Variants in CISD2 observed in about 807,000 individuals in gnomAD.
The protein encoded by CISD2 is CDGSH iron-sulfur domain-containing protein 2.
Under a neutral mutation model 12.9 loss-of-function variants are expected in CISD2, and 1 was observed. That is an observed-to-expected ratio of 0.08 (90% confidence interval 0.03 to 0.37). The LOEUF (loss-of-function observed/expected upper bound fraction) is 0.37, where lower values mean the gene tolerates loss of function less well. Among genes scored for constraint, CISD2 ranks in the 10% least tolerant of loss-of-function variants. The pLI is 0.99. For synonymous variants in CISD2, 50 were observed against 60.6 expected, an observed-to-expected ratio of 0.83 and a Z score of 0.81; for missense variants, 97 against 163.1, an observed-to-expected ratio of 0.59 and a Z score of 2.21.
At chr4:102,880,661 G>A (rs2110396646) in intron 1 of CISD2, among the ~76,000 whole-genome samples, 2 of 151,858 alleles carry the variant, frequency 1.3e-5, no homozygotes, top group South Asian at 2.1e-4. Context: ...CTGGGTGACA[G>A]AGTGAGACTA....
At chr4:102,875,132 T>G (rs1037196413) in intron 1 of CISD2, among the ~76,000 whole-genome samples, 1 of 152,242 alleles carries the variant, frequency 6.6e-6, no homozygotes, top group African/African-American at 2.4e-5. Flanking sequence ...GTGCTTAGTT[T>G]CCCAGACACT....
At chr4:102,869,278 G>A in intron 1 of CISD2, 91 bp downstream of exon 1, 1 of 1,495,648 alleles carries the variant, frequency 6.7e-7, no homozygotes, top group Non-Finnish European at 9.1e-7. Flanking sequence ...GGGGCGGGAC[G>A]GAGCTCGGCG....
At chr4:102,883,057 C>A (rs1234094451) in intron 1 of CISD2, among the ~76,000 whole-genome samples, 1 of 152,078 alleles carries the variant, frequency 6.6e-6, no homozygotes, top group Non-Finnish European at 1.5e-5. Context: ...TGTATATTAA[C>A]CGTGTTTTCA....
At chr4:102,869,509 C>G (rs1733368062) in intron 1 of CISD2, 2 of 702,452 alleles carry the variant, frequency 2.8e-6, no homozygotes, top group Non-Finnish European at 5.2e-6. Flanking sequence ...GCTCATCGCT[C>G]TCTGTAGCGT....
At chr4:102,869,336 G>A (rs1275102703) in intron 1 of CISD2, 149 bp downstream of exon 1, 4 of 1,063,358 alleles carry the variant, frequency 3.8e-6, no homozygotes, top group Admixed American at 4.0e-5. Context: ...GCGCGCCGAC[G>A]CAGCTGCCTG....
chr4:102,872,821 A>ACT (rs1733492224), intron 1 of CISD2, among the ~76,000 whole-genome samples: 1 of 152,218 alleles, frequency 6.6e-6, no homozygotes, highest in Admixed American at 6.5e-5. Flanking sequence ...CAATGTCTAA[A>ACT]CTTTCAGAAA....
chr4:102,890,806 C>CAATAAGTAAGCTACTTATTCT lies in CISD2; in HGVS notation c.*3376_*3377insAATAAGTAAGCTACTTATTCT, dbSNP rs1327456037. The CAATAAGTAAGCTACTTATTCT allele has an allele frequency of 2.1e-4, 27 of 128,380 alleles. No individual in the cohort carries two copies. The highest frequency in any genetic ancestry group is 8.1e-4 in the African/African-American group (25 of 30,698). The allele number at this position is 128,380 out of a possible 1,614,324, so 8.0% of individuals were successfully genotyped here. A position where few individuals can be genotyped will look rare whatever the true frequency, so the allele number is the denominator to read the frequency against. ...AGTGAGCCAAGATTGTGCCACTGCACTCCAGCCTGGGCAACAGAAGTGAAA... is the reference window on the plus strand; with the variant it reads ...AGTGAGCCAAGATTGTGCCACTGCACAATAAGTAAGCTACTTATTCTTCCAGCCTGGGCAACAGAAGTGAAA... On this transcript the variant is annotated 3_prime_UTR_variant, in exon 3 of 3. Transcript: ENST00000273986.
chr4:102,869,112 G>C lies in CISD2; in HGVS notation c.28G>C (p.Val10Leu). 2 of 1,612,650 alleles carry C rather than the reference G, an allele frequency of 1.2e-6. No homozygotes were observed. The highest frequency in any genetic ancestry group is 1.7e-6 in the Non-Finnish European group (2 of 1,179,448). Residue 10 changes from valine to leucine, a missense_variant, in exon 1 of 3, where the codon GTG becomes CTG. Val to Leu is a conservative substitution (Grantham distance 32, BLOSUM62 1). Coordinates refer to ENST00000273986, the MANE Select transcript of CISD2 (RefSeq NM_001008388.5). MVLESVARI[V>L]KVQLPAYLKR... ...GGTGCTGGAGAGCGTGGCCCGTATCGTGAAGGTGCAGCTCCCTGCATATCT... is the reference window on the plus strand; with the variant it reads ...GGTGCTGGAGAGCGTGGCCCGTATCCTGAAGGTGCAGCTCCCTGCATATCT...
At chr4:102,885,170 T>A (rs1733842060) in intron 1 of CISD2, 46 bp from the exon 2 acceptor site, 1 of 1,456,056 alleles carries the variant, frequency 6.9e-7, no homozygotes, top group Non-Finnish European at 9.6e-7. Context: ...CTATTTTGAA[T>A]TCTTTTCCAA....
chr4:102,885,263 CT>C lies in CISD2; in HGVS notation c.153del (p.Gly52AlafsTer19). 2.5e-6 allele frequency: 4 copies of C among 1,614,126 alleles called. No homozygotes were observed. Among genetic ancestry groups the C allele is most frequent in the Non-Finnish European group, 3.4e-6 (4 of 1,180,006 alleles). On this transcript the variant is annotated frameshift_variant, in exon 2 of 3. Transcript: ENST00000273986. LOFTEE classifies it high-confidence loss of function. ...GCCTTTCCTTGGTGTACTCGCACTT[CT>C]TGGCTACCTTGCAGTTCGTCCATTC... ...LLPFLGVLAL[L>X]GYLAVRPFLP... is the part of the protein sequence containing the mutation.
chr4:102,870,767 T>G (rs1425787452), intron 1 of CISD2, among the ~76,000 whole-genome samples: 2 of 152,222 alleles, frequency 1.3e-5, no homozygotes, highest in African/African-American at 4.8e-5. Context: ...CTTAAGTACT[T>G]TACATATTTT....
At chr4:102,873,084 A>G (rs947909297) in intron 1 of CISD2, among the ~76,000 whole-genome samples, 2 of 152,102 alleles carry the variant, frequency 1.3e-5, no homozygotes, top group African/African-American at 4.8e-5. Flanking sequence ...ATATCATGAG[A>G]ACTCACTCAC....
intron 1 of CISD2, chr4:102,874,670 C>T (rs1461275181): frequency 2.0e-5 from 3 of 152,138 alleles, no homozygotes; most frequent in Admixed American, 6.5e-5. Flanking sequence ...GCCACTAGAA[C>T]TGTGAGTGAA....
intron 1 of CISD2, chr4:102,884,944 G>A (rs1026363655): frequency 1.8e-5 from 7 of 396,312 alleles, no homozygotes; most frequent in Non-Finnish European, 2.8e-5. Context: ...AACACAAATA[G>A]ACTTGATGTA....
At chr4:102,877,824 C>T (rs912405212) in intron 1 of CISD2, among the ~76,000 whole-genome samples, 2 of 152,238 alleles carry the variant, frequency 1.3e-5, no homozygotes, top group African/African-American at 2.4e-5. Flanking sequence ...GCCACCAAGG[C>T]TTGTGGCTTG....
intron 1 of CISD2, among the ~76,000 whole-genome samples, chr4:102,876,147 A>G (rs1197880915): frequency 6.6e-6 from 1 of 152,168 alleles, no homozygotes; most frequent in Non-Finnish European, 1.5e-5. Context: ...AAGGGACCTT[A>G]TCTATTAGCC....
chr4:102,873,674 A>C (rs1733518961), intron 1 of CISD2, among the ~76,000 whole-genome samples: 1 of 148,596 alleles, frequency 6.7e-6, no homozygotes, highest in African/African-American at 2.5e-5. Flanking sequence ...AGGCAAGAGA[A>C]TTGCTTGAGT....
intron 1 of CISD2, among the ~76,000 whole-genome samples, chr4:102,870,526 T>G (rs535777699): frequency 3.9e-5 from 6 of 152,302 alleles, no homozygotes; most frequent in Non-Finnish European, 8.8e-5. Flanking sequence ...GATTTTAATA[T>G]TTTTTAAATA....
rs1410451365 is a variant in CISD2 at position 102,869,175 on chromosome 4, G to A, written c.91G>A (p.Ala31Thr). 24 of 1,608,516 alleles carry A rather than the reference G, an allele frequency of 1.5e-5. No homozygotes were observed. The highest frequency in any genetic ancestry group is 2.7e-5 in the African/African-American group (2 of 74,830). The change falls in exon 1 of 3, where the codon GCT becomes ACT. Residue 31 changes from alanine to threonine, a missense_variant. By Grantham distance (58) the Ala-to-Thr change is moderately conservative. Around this residue, in one of 2 missense-constraint regions of CISD2, gnomAD observed 89 missense variants for 114.4 expected, o/e 0.78. Coordinates refer to ENST00000273986, the MANE Select transcript of CISD2 (RefSeq NM_001008388.5). ...AGTCCCTGAAAGCATTACCGGGTTC[G>A]CTAGGCTCACAGGTAATCCTCCCCC... Reference protein sequence around the residue: ...LPVPESITGFARLTVSEWLRL... With the variant: ...LPVPESITGFTRLTVSEWLRL...
Sources: gnomAD v4.1 joint callset for allele counts (sites outside exome capture counted in the v4.1 genomes callset) on GRCh38, gnomAD v4.1.1 for gene constraint, gnomAD v4.1.1 regional missense constraint, MANE v1.5 for transcripts, NCBI Gene and HGNC (gene_info 2026-07-23, HGNC 2026-07-21) for gene names.